Variants in GNAL observed in about 807,000 individuals in gnomAD.
The protein encoded by GNAL is G protein subunit alpha L, also known as guanine nucleotide-binding protein G(olf) subunit alpha.
Under a neutral mutation model 55.1 loss-of-function variants are expected in GNAL, and 18 were observed. The observed-to-expected ratio is 0.33, with a 90% CI of 0.23 to 0.48. The LOEUF (loss-of-function observed/expected upper bound fraction) is 0.48. Among genes scored for constraint, GNAL ranks in the 20% least tolerant of loss-of-function variants. The probability of loss-of-function intolerance (pLI) is 0.99; values close to 1 mark genes in which losing one functional copy is unlikely to be tolerated. For synonymous variants in GNAL, 253 were observed against 237.0 expected (o/e 1.07, Z -0.62); for missense variants, 412 against 614.1 (o/e 0.67, Z 3.48).
chr18:11,880,912 T>C, intron 11 of GNAL, 77 bp from the exon 12 acceptor site: 1 of 1,474,388 alleles, frequency 6.8e-7, no homozygotes, highest in Non-Finnish European at 9.3e-7. Context: ...CTCCAGCACC[T>C]GCTCAGCGTG....
Position 11,695,924 on chromosome 18 carries a change from A to G in GNAL, c.376+5985A>G, listed in dbSNP as rs1483537567. Among the ~76,000 whole-genome samples, 831 of 141,392 alleles carry G rather than the reference A, an allele frequency of 5.9e-3. 2 individuals are homozygous for G. Among genetic ancestry groups the G allele is most frequent in the African/African-American group, 9.9e-3 (349 of 35,138 alleles). 92.8% of individuals were successfully genotyped at this position (141,392 alleles called of 152,430 possible). Reference sequence around the variant, plus strand: ...TGCTCAGACATGCATGCACGCATGCACACACACACACACACACACACACAC... The same window carrying G: ...TGCTCAGACATGCATGCACGCATGCGCACACACACACACACACACACACAC... On this transcript the variant is annotated intron_variant, in intron 1 of 11. Transcript: ENST00000334049.
intron 4 of GNAL, among the ~76,000 whole-genome samples, chr18:11,786,876 T>C (rs2034077616): frequency 6.6e-6 from 1 of 152,108 alleles, no homozygotes; most frequent in African/African-American, 2.4e-5. Flanking sequence ...CTATGTCTGC[T>C]TTACCCCAGC....
At chr18:11,878,817 C>T (rs1424794233) in intron 11 of GNAL, among the ~76,000 whole-genome samples, 3 of 152,110 alleles carry the variant, frequency 2.0e-5, no homozygotes, top group African/African-American at 7.2e-5. Flanking sequence ...ATCCTCCTGC[C>T]TCCACCTCCC....
intron 6 of GNAL, 143 bp from the exon 7 acceptor site, chr18:11,864,390 G>C: frequency 1.5e-6 from 1 of 662,674 alleles, no homozygotes; most frequent in Non-Finnish European, 2.8e-6. Context: ...ACCATGCTCG[G>C]CCAATGTTGG....
chr18:11,751,966 A>C lies in GNAL; in HGVS notation c.377-887A>C. The C allele has an allele frequency of 6.5e-6, 1 of 152,766 alleles. No homozygotes were observed. The highest frequency in any genetic ancestry group is 1.5e-5 in the Non-Finnish European group (1 of 68,498). The allele number at this position is 152,766 out of a possible 1,614,324, so 9.5% of individuals were successfully genotyped here. On this transcript the variant is annotated intron_variant, in intron 1 of 11. Transcript: ENST00000334049. The surrounding 1 kb of genome is among the most constrained non-coding windows in gnomAD (Gnocchi z 4.5). ...GGTGGCGCGCTCTGTCCTCCGCGCC[A>C]CGCTCAGCCACCACCCCGGCTGTTT...
At chr18:11,769,961 G>GA (rs1341405383) in intron 4 of GNAL, among the ~76,000 whole-genome samples, 1 of 152,082 alleles carries the variant, frequency 6.6e-6, no homozygotes, top group African/African-American at 2.4e-5. Context: ...TGTTGTTTTT[G>GA]AAAAATATGT....
intron 1 of GNAL, among the ~76,000 whole-genome samples, chr18:11,717,474 A>G (rs2032000154): frequency 6.6e-6 from 1 of 152,244 alleles, no homozygotes; most frequent in Admixed American, 6.5e-5. Flanking sequence ...TCTCACTACC[A>G]TAAAGACATA....
intron 11 of GNAL, among the ~76,000 whole-genome samples, chr18:11,879,763 C>A (rs1322455380): frequency 6.6e-6 from 1 of 152,182 alleles, no homozygotes; most frequent in African/African-American, 2.4e-5. Flanking sequence ...GAGGTGGTCC[C>A]CACAAACCAT....
chr18:11,852,149 C>T (rs1384630480), intron 5 of GNAL: 1 of 1,526,600 alleles, frequency 6.6e-7, no homozygotes, highest in Non-Finnish European at 8.8e-7. Flanking sequence ...GCCATAGCCA[C>T]CCTTTGAAAT....
chr18:11,787,520 T>C (rs1415279115), intron 4 of GNAL, among the ~76,000 whole-genome samples: 3 of 152,196 alleles, frequency 2.0e-5, no homozygotes, highest in Non-Finnish European at 4.4e-5. Flanking sequence ...TTGGCAGCCA[T>C]CATGTAATAA....
At chr18:11,878,596 C>T (rs1408403267) in intron 11 of GNAL, among the ~76,000 whole-genome samples, 1 of 152,084 alleles carries the variant, frequency 6.6e-6, no homozygotes, top group Admixed American at 6.6e-5. Context: ...GACATTGCTT[C>T]ACACTGTCAC....
chr18:11,752,231 C>G lies in GNAL; in HGVS notation c.377-622C>G, dbSNP rs1298611454. 8.4e-6 allele frequency: 9 copies of G among 1,065,192 alleles called. No homozygotes were observed. The highest frequency in any genetic ancestry group is 7.9e-5 in the Admixed American group (2 of 25,224). 66.0% of individuals were successfully genotyped at this position (1,065,192 alleles called of 1,614,324 possible). On this transcript the variant is annotated intron_variant, in intron 1 of 11. Coordinates refer to ENST00000334049, the MANE Select transcript of GNAL (RefSeq NM_182978.4). This position sits in a 1 kb window ranked among gnomAD's most constrained non-coding sequence, Gnocchi z 4.5. ...CATTTTACTCCGCGCGTCTTCCTTACAGCCATTTAGTTGGGAGTTTGCGGT... is the reference window on the plus strand; with the variant it reads ...CATTTTACTCCGCGCGTCTTCCTTAGAGCCATTTAGTTGGGAGTTTGCGGT...
chr18:11,823,723 G>T (rs1019893524), intron 4 of GNAL, among the ~76,000 whole-genome samples: 3 of 152,198 alleles, frequency 2.0e-5, no homozygotes, highest in Non-Finnish European at 4.4e-5. Flanking sequence ...CATGAAGGAG[G>T]AGTCGCTGGG....
chr18:11,845,719 GAAAT>G (rs1000182964), intron 5 of GNAL, among the ~76,000 whole-genome samples: 11 of 147,670 alleles, frequency 7.4e-5, no homozygotes, highest in Admixed American at 7.0e-5. Context: ...CTGAAGGAAA[GAAAT>G]AAAGGAAGGA....
intron 5 of GNAL, among the ~76,000 whole-genome samples, chr18:11,834,629 G>A (rs1474585373): frequency 6.6e-6 from 1 of 152,118 alleles, no homozygotes; most frequent in African/African-American, 2.4e-5. Context: ...GAGACAGGAG[G>A]ATTGCTGGAG....
chr18:11,753,092 CCTT>C (rs1236688965), intron 2 of GNAL, among the ~76,000 whole-genome samples, 167 bp downstream of exon 2: 3 of 152,004 alleles, frequency 2.0e-5, no homozygotes, highest in South Asian at 2.1e-4. Flanking sequence ...TTAGGCAAAT[CCTT>C]CTTCTGCTAG....
At position 11,867,754 on chromosome 18, in the gene GNAL, C is replaced by G. The variant is rs148967932; in HGVS notation, c.910+528C>G. On this transcript the variant is annotated intron_variant, in intron 8 of 11. Coordinates refer to ENST00000334049, the MANE Select transcript of GNAL (RefSeq NM_182978.4). ...GCGTGAACCTGGGAGGCAGAGCTTG[C>G]AGTGAGCTGAGATCGCACCACTGCA... Among the ~76,000 whole-genome samples, 609 of 151,516 alleles carry G rather than the reference C, an allele frequency of 4.0e-3. 5 individuals are homozygous for G. Among genetic ancestry groups the G allele is most frequent in the African/African-American group, 0.014 (579 of 41,266 alleles).
At chr18:11,787,119 AT>A (rs909976478) in intron 4 of GNAL, among the ~76,000 whole-genome samples, 1 of 152,178 alleles carries the variant, frequency 6.6e-6, no homozygotes, top group Non-Finnish European at 1.5e-5. Context: ...TTATGGTTTA[AT>A]TAGGAGGATT....
chr18:11,812,982 G>T lies in GNAL; in HGVS notation c.625-11936G>T, dbSNP rs187399020. ...TAAATAAGATGTAAGTAGGCCAGGTGTGGTGGCTCATACCTGTAATCCCAG... is the reference window on the plus strand; with the variant it reads ...TAAATAAGATGTAAGTAGGCCAGGTTTGGTGGCTCATACCTGTAATCCCAG... On this transcript the variant is annotated intron_variant, in intron 4 of 11. Transcript: ENST00000334049. Among the ~76,000 whole-genome samples, 553 of 152,124 alleles carry T rather than the reference G, an allele frequency of 3.6e-3. 3 individuals carry two copies. The highest frequency in any genetic ancestry group is 0.014 in the Middle Eastern group (4 of 292).
Sources: allele counts gnomAD v4.1 joint callset (sites outside exome capture counted in the v4.1 genomes callset), GRCh38; gene constraint gnomAD v4.1.1; non-coding constraint Gnocchi (gnomAD v3.1); transcripts MANE v1.5; gene names NCBI Gene and HGNC (gene_info 2026-07-23, HGNC 2026-07-21).